ITCH: variants seen among roughly 807,000 people sequenced by gnomAD.
ITCH encodes the protein E3 ubiquitin-protein ligase Itchy homolog.
A neutral mutation model predicts 126.8 loss-of-function variants in ITCH; 28 were observed. That is an observed-to-expected ratio of 0.22 (90% confidence interval 0.16 to 0.30). The LOEUF (loss-of-function observed/expected upper bound fraction) is 0.30, where lower values mean the gene tolerates loss of function less well. ITCH is among the 10% of genes least tolerant of loss of function. The probability of loss-of-function intolerance (pLI) is 1.00; values close to 1 mark genes in which losing one functional copy is unlikely to be tolerated. For missense variants in ITCH, 631 were observed against 1,032.4 expected (o/e 0.61, Z 5.33); for synonymous variants, 342 against 340.0 (o/e 1.01, Z -0.06).
intron 2 of ITCH, among the ~76,000 whole-genome samples, chr20:34,379,705 C>T (rs571650851): frequency 6.6e-6 from 1 of 151,120 alleles, no homozygotes; most frequent in Admixed American, 6.6e-5. Flanking sequence ...CCCCATTCTC[C>T]TGCCTCAGCC....
chr20:34,394,209 CA>C lies in ITCH; in HGVS notation c.70+351del, dbSNP rs59876098. Among the ~76,000 whole-genome samples the C allele has an allele frequency of 2.7e-3, 173 of 62,922 alleles. No individual in the cohort carries two copies. The Middle Eastern group carries it at 0.028, about 10-fold the overall frequency. 41.3% of individuals were successfully genotyped at this position (62,922 alleles called of 152,430 possible). On this transcript the variant is annotated intron_variant, in intron 3 of 24. Coordinates refer to ENST00000374864, the MANE Select transcript of ITCH (RefSeq NM_031483.7). ...CCTGGGTGATAGGGTGAGACTGTCTCAAAAAAAAAAAAAAAAAAAAAAACTT... is the reference window on the plus strand; with the variant it reads ...CCTGGGTGATAGGGTGAGACTGTCTCAAAAAAAAAAAAAAAAAAAAAACTT...
intron 7 of ITCH, among the ~76,000 whole-genome samples, chr20:34,436,228 G>A (rs1207253639): frequency 6.6e-6 from 1 of 152,144 alleles, no homozygotes; most frequent in African/African-American, 2.4e-5. Context: ...GTGCAATTTA[G>A]TATGAATTTT....
At chr20:34,445,789 A>G (rs1009906750) in intron 11 of ITCH, among the ~76,000 whole-genome samples, 1 of 152,212 alleles carries the variant, frequency 6.6e-6, no homozygotes, top group Non-Finnish European at 1.5e-5. Flanking sequence ...TTCTAAATTT[A>G]CTAGTGCCTT....
chr20:34,498,753 C>G (rs997998188), intron 23 of ITCH, among the ~76,000 whole-genome samples: 1 of 151,768 alleles, frequency 6.6e-6, no homozygotes, highest in Non-Finnish European at 1.5e-5. Flanking sequence ...GGATATTGGC[C>G]TATAGTTTTC....
intron 3 of ITCH, among the ~76,000 whole-genome samples, chr20:34,400,295 C>G (rs977040143): frequency 1.3e-5 from 2 of 152,040 alleles, no homozygotes; most frequent in Admixed American, 6.6e-5. Flanking sequence ...GTCTTGAACT[C>G]CTGGCCTCAA....
chr20:34,386,407 C>G (rs1403030139), intron 2 of ITCH, among the ~76,000 whole-genome samples: 3 of 152,166 alleles, frequency 2.0e-5, no homozygotes, highest in Non-Finnish European at 4.4e-5. Context: ...CAGAGTAGCC[C>G]TGTCCAAGGG....
At position 34,464,407 on chromosome 20, in the gene ITCH, A is replaced by G. The variant is rs145765264; in HGVS notation, c.1424+2186A>G. ...AATGGTGCGATCTCGGCTCACCACAACTTCTGCCTCCTGGGTTCAAGCTAT... is the reference window on the plus strand; with the variant it reads ...AATGGTGCGATCTCGGCTCACCACAGCTTCTGCCTCCTGGGTTCAAGCTAT... On this transcript the variant is annotated intron_variant, in intron 14 of 24. Transcript: ENST00000374864. Among the ~76,000 whole-genome samples the G allele has an allele frequency of 1.5e-3, 217 of 148,492 alleles. 2 individuals are homozygous for G. The highest frequency in any genetic ancestry group is 5.2e-3 in the African/African-American group (207 of 40,176).
intron 2 of ITCH, among the ~76,000 whole-genome samples, chr20:34,391,096 A>G (rs1463056882): frequency 2.0e-5 from 3 of 152,184 alleles, no homozygotes; most frequent in Admixed American, 2.0e-4. Flanking sequence ...TAAATAATAG[A>G]ACTAAGAATC....
chr20:34,423,369 G>A (rs952410735), intron 6 of ITCH, among the ~76,000 whole-genome samples: 3 of 152,138 alleles, frequency 2.0e-5, no homozygotes, highest in African/African-American at 7.2e-5. Flanking sequence ...GTATAGTATA[G>A]TGGTGACTCA....
chr20:34,477,993 A>G (rs1988391168), intron 17 of ITCH, 133 bp downstream of exon 17: 15 of 1,159,266 alleles, frequency 1.3e-5, no homozygotes, highest in Non-Finnish European at 1.6e-5. Context: ...TACCTTTATT[A>G]TGCTGTAGCT....
chr20:34,433,448 TG>T (rs988186115), intron 7 of ITCH, among the ~76,000 whole-genome samples: 11 of 151,756 alleles, frequency 7.2e-5, no homozygotes, highest in Non-Finnish European at 1.0e-4. Context: ...GAGGCCGAGG[TG>T]GGTGGATCAC....
intron 2 of ITCH, among the ~76,000 whole-genome samples, chr20:34,380,605 CTTTTTTTTTTT>C (rs35848431): frequency 1.4e-5 from 1 of 69,270 alleles, no homozygotes; most frequent in South Asian, 6.2e-4. Context: ...TTAATGATGT[CTTTTTTTTTTT>C]TTTTTTTTTT....
intron 16 of ITCH, chr20:34,476,565 A>G (rs754447650): frequency 2.7e-6 from 2 of 740,884 alleles, no homozygotes; most frequent in African/African-American, 3.7e-5. Flanking sequence ...CCTAGCCTAT[A>G]CTATTTGTAG....
intron 17 of ITCH, 177 bp downstream of exon 17, chr20:34,478,037 T>A: frequency 1.3e-6 from 1 of 744,858 alleles, no homozygotes; most frequent in Non-Finnish European, 2.1e-6. Context: ...TTCAGCACTT[T>A]CTATGTCATG....
At position 34,508,959 on chromosome 20, in the gene ITCH, C is replaced by A. The variant is rs1364374740; in HGVS notation, c.*1165C>A. 6.6e-6 allele frequency: 1 copy of A among 152,156 alleles called. No homozygotes were observed. The highest frequency in any genetic ancestry group is 1.5e-5 in the Non-Finnish European group (1 of 68,012). 9.4% of individuals were successfully genotyped at this position (152,156 alleles called of 1,614,324 possible). A position where few individuals can be genotyped will look rare whatever the true frequency, so the allele number is the denominator to read the frequency against. ...GGCTAAAAAGAAAGGAAGATAACAT[C>A]CAGTAACCACAGGAATATATTCTCT... On this transcript the variant is annotated 3_prime_UTR_variant, in exon 25 of 25. Transcript: ENST00000374864.
At chr20:34,372,975 C>CTTTTT (rs749322692) in intron 2 of ITCH, among the ~76,000 whole-genome samples, 2 of 139,238 alleles carry the variant, frequency 1.4e-5, no homozygotes, top group Non-Finnish European at 3.2e-5. Context: ...GAATGTATTC[C>CTTTTT]TTTTTTTTTT....
intron 7 of ITCH, among the ~76,000 whole-genome samples, chr20:34,434,830 C>G (rs1211498804): frequency 6.6e-6 from 1 of 152,118 alleles, no homozygotes; most frequent in Non-Finnish European, 1.5e-5. Context: ...ATAGATAACC[C>G]AATTAAAGTT....
intron 1 of ITCH, among the ~76,000 whole-genome samples, chr20:34,367,278 A>G (rs2037456313): frequency 6.6e-6 from 1 of 152,126 alleles, no homozygotes; most frequent in Non-Finnish European, 1.5e-5. Context: ...CCCGGGTTCA[A>G]GCGATTCGTG....
chr20:34,506,356 C>T (rs1480178928), intron 24 of ITCH, among the ~76,000 whole-genome samples: 2 of 152,166 alleles, frequency 1.3e-5, no homozygotes, highest in Non-Finnish European at 1.5e-5. Context: ...TCATGCCAGA[C>T]CTAAAACATT....
Sources: gnomAD v4.1 joint callset for allele counts (sites outside exome capture counted in the v4.1 genomes callset) on GRCh38, gnomAD v4.1.1 for gene constraint, MANE v1.5 for transcripts, NCBI Gene and HGNC (gene_info 2026-07-23, HGNC 2026-07-21) for gene names.